Variants in DZIP3 observed in about 807,000 individuals in gnomAD.
The protein encoded by DZIP3 is E3 ubiquitin-protein ligase DZIP3.
A neutral mutation model predicts 162.0 loss-of-function variants in DZIP3; 118 were observed. The ratio of observed to expected loss-of-function variants is 0.73; its 90% confidence interval spans 0.63 to 0.85. The LOEUF (loss-of-function observed/expected upper bound fraction) is 0.85, where lower values mean the gene tolerates loss of function less well. Ranked by LOEUF, DZIP3 falls within the 40% of genes least tolerant of loss-of-function variation. The pLI, the probability that DZIP3 is intolerant of heterozygous loss-of-function variation, is 0.00. For missense variants in DZIP3, 1,331 were observed against 1,407.0 expected, an observed-to-expected ratio of 0.95 and a Z score of 0.86; for synonymous variants, 438 against 458.6, an observed-to-expected ratio of 0.96 and a Z score of 0.57.
At chr3:108,657,052 A>G (rs1943162335) in intron 19 of DZIP3, among the ~76,000 whole-genome samples, 1 of 152,224 alleles carries the variant, frequency 6.6e-6, no homozygotes, top group Non-Finnish European at 1.5e-5. Context: ...CAAGTTGGAA[A>G]ACACTCTGCA....
At chr3:108,597,660 G>A (rs1011412912) in intron 1 of DZIP3, among the ~76,000 whole-genome samples, 5 of 152,158 alleles carry the variant, frequency 3.3e-5, no homozygotes, top group African/African-American at 1.2e-4. Flanking sequence ...GAATTAAAAT[G>A]TGAAGCTGTT....
chr3:108,599,240 T>C (rs1939865687), intron 1 of DZIP3, among the ~76,000 whole-genome samples: 1 of 152,218 alleles, frequency 6.6e-6, no homozygotes, highest in Non-Finnish European at 1.5e-5. Flanking sequence ...ATAGAAAATA[T>C]CTTCCAGTTT....
rs139456493 is a variant in DZIP3, at chr3:108,681,417, A to C, written c.2884-2799A>C. On this transcript the variant is annotated intron_variant, in intron 26 of 32. Transcript: ENST00000361582. ...GCCAGTTAGAATGGCAGTCATTAAA[A>C]AGTCAGGAAACAACAGATACTAGAG... Among the ~76,000 whole-genome samples the C allele has an allele frequency of 8.5e-3, 1,301 of 152,286 alleles. 18 individuals carry two copies. The highest frequency in any genetic ancestry group is 0.03 in the African/African-American group (1,244 of 41,542).
chr3:108,607,958 A>G, intron 2 of DZIP3, 131 bp from the exon 3 acceptor site: 1 of 746,232 alleles, frequency 1.3e-6, no homozygotes, highest in Non-Finnish European at 2.3e-6. Context: ...GGCACCTACC[A>G]CCATTACCAG....
intron 16 of DZIP3, chr3:108,648,638 C>T (rs1942734049): frequency 5.4e-6 from 1 of 185,346 alleles, no homozygotes; most frequent in Non-Finnish European, 1.2e-5. Context: ...TCCTTTGTTA[C>T]ATCCATGTGT....
chr3:108,629,279 T>C, intron 8 of DZIP3, 103 bp downstream of exon 8: 1 of 760,638 alleles, frequency 1.3e-6, no homozygotes, highest in South Asian at 2.0e-5. Context: ...CACATAACTT[T>C]TTATACAAGA....
intron 9 of DZIP3, among the ~76,000 whole-genome samples, chr3:108,633,571 A>ATC (rs1262319170): frequency 1.3e-5 from 2 of 150,946 alleles, no homozygotes; most frequent in African/African-American, 4.9e-5. Flanking sequence ...CTTCTGATAG[A>ATC]TCTCTCTCTC....
In DZIP3 at chr3:108,605,450, G is replaced by A; in HGVS notation, c.32+12G>A. ...GAATTTTTTGTGAGGTAAGGCCACAGTCCCCAACCTTTTTGGCACCATGGA... is the reference window on the plus strand; with the variant it reads ...GAATTTTTTGTGAGGTAAGGCCACAATCCCCAACCTTTTTGGCACCATGGA... On this transcript the variant is annotated intron_variant, in intron 2 of 32. Transcript: ENST00000361582. 1 of 1,612,798 alleles carries A rather than the reference G, an allele frequency of 6.2e-7. No individual in the cohort carries two copies. Among genetic ancestry groups the A allele is most frequent in the South Asian group, 1.1e-5 (1 of 90,906 alleles).
At chr3:108,657,202 T>G (rs2107266975) in intron 19 of DZIP3, among the ~76,000 whole-genome samples, 1 of 152,104 alleles carries the variant, frequency 6.6e-6, no homozygotes, top group East Asian at 1.9e-4. Context: ...TCACCAAAGT[T>G]GAAATGAAGG....
chr3:108,685,362 A>G (rs1269859592), intron 27 of DZIP3, among the ~76,000 whole-genome samples: 1 of 152,154 alleles, frequency 6.6e-6, no homozygotes, highest in Non-Finnish European at 1.5e-5. Context: ...ATTTCTGGGA[A>G]ATATTCTGCT....
chr3:108,654,162 A>G lies in DZIP3; in HGVS notation c.2051A>G (p.Lys684Arg). The change falls in exon 19 of 33, where the codon AAG (lysine) becomes AGG (arginine). Residue 684 changes from lysine (K) to arginine (R), a missense_variant. Physicochemically the swap from Lys to Arg is conservative, Grantham distance 26 (BLOSUM62 2). This residue lies in a region of DZIP3 where 1,278 missense variants were observed against 1,317.1 expected (regional missense o/e 0.97). Transcript: ENST00000361582. The stretch of plus-strand genomic sequence containing the variant: ...GACTACAGCCCATATGTGGTAGAAA[A>G]GGAAGAGCAGTTGAGGAAAGAACAA... ...KEDQVPYVVE[K>R]EEQLRKEQAN... 2 of 1,613,368 alleles carry G rather than the reference A, an allele frequency of 1.2e-6. No individual in the cohort carries two copies. Among genetic ancestry groups the G allele is most frequent in the Non-Finnish European group, 1.7e-6 (2 of 1,179,568 alleles).
chr3:108,616,938 G>A (rs1314704761), intron 5 of DZIP3, among the ~76,000 whole-genome samples: 1 of 152,096 alleles, frequency 6.6e-6, no homozygotes, highest in Non-Finnish European at 1.5e-5. Flanking sequence ...CATCTTAAGA[G>A]AAACTTGAAC....
intron 21 of DZIP3, among the ~76,000 whole-genome samples, chr3:108,666,715 CAAATT>C (rs1943693860): frequency 2.6e-5 from 4 of 151,942 alleles, no homozygotes; most frequent in Non-Finnish European, 4.4e-5. Flanking sequence ...ACAATGGAGT[CAAATT>C]AAACATCAGT....
intron 5 of DZIP3, among the ~76,000 whole-genome samples, chr3:108,621,193 A>T (rs1288478331): frequency 6.6e-6 from 1 of 152,208 alleles, no homozygotes; most frequent in East Asian, 1.9e-4. Context: ...TGTGTTCTTG[A>T]TACCTAAAAT....
At chr3:108,682,994 A>C (rs982305746) in intron 26 of DZIP3, among the ~76,000 whole-genome samples, 1 of 150,950 alleles carries the variant, frequency 6.6e-6, no homozygotes, top group African/African-American at 2.5e-5. Context: ...AAGACTTTAC[A>C]TGTAAAAAAT....
chr3:108,650,916 A>T (rs1200587769), intron 17 of DZIP3, among the ~76,000 whole-genome samples: 2 of 151,650 alleles, frequency 1.3e-5, no homozygotes, highest in African/African-American at 2.4e-5. Flanking sequence ...ACTAGAGTTC[A>T]TCACATACAA....
chr3:108,631,055 A>ACACACACACACACACACCCTCTCTCT, intron 8 of DZIP3, among the ~76,000 whole-genome samples: 1 of 18,006 alleles, frequency 5.6e-5, no homozygotes, highest in Non-Finnish European at 9.0e-5. Context: ...ACACACACAC[A>ACACACACACACACACACCCTCTCTCT]CTCTCTCTCT....
chr3:108,640,009 G>A (rs1942318972), intron 12 of DZIP3, among the ~76,000 whole-genome samples: 1 of 152,014 alleles, frequency 6.6e-6, no homozygotes, highest in Non-Finnish European at 1.5e-5. Context: ...TTGTGTGTGT[G>A]TGTATGTTTT....
At chr3:108,616,513 A>T (rs1015858230) in intron 4 of DZIP3, 28 bp from the exon 5 acceptor site, 1 of 1,455,774 alleles carries the variant, frequency 6.9e-7, no homozygotes, top group Non-Finnish European at 9.6e-7. Flanking sequence ...AGACTTATAG[A>T]CATTTTTAAC....
Sources: allele counts gnomAD v4.1 joint callset (sites outside exome capture counted in the v4.1 genomes callset), GRCh38; gene constraint gnomAD v4.1.1; regional missense constraint gnomAD v4.1.1; transcripts MANE v1.5; gene names NCBI Gene and HGNC (gene_info 2026-07-23, HGNC 2026-07-21).